Variants in AKAP6 observed in about 807,000 individuals in gnomAD.
AKAP6 encodes A-kinase anchoring protein 6, also known as A-kinase anchor protein 6.
In AKAP6, 58 loss-of-function variants were observed where a neutral mutation model predicts 188.5. The observed-to-expected ratio is 0.31, with a 90% CI of 0.25 to 0.38. The LOEUF is 0.38. AKAP6 is among the 10% of genes least tolerant of loss of function. AKAP6 has a pLI of 1.00. For synonymous variants in AKAP6, 989 were observed against 998.6 expected (o/e 0.99, Z 0.18); for missense variants, 2,710 against 2,740.0 (o/e 0.99, Z 0.24).
intron 9 of AKAP6, among the ~76,000 whole-genome samples, chr14:32,699,637 C>T (rs557336021): frequency 3.7e-4 from 56 of 152,286 alleles, no homozygotes; most frequent in Non-Finnish European, 6.3e-4. Flanking sequence ...CTTCCCTTCC[C>T]CCTTATCTGT....
chr14:32,643,088 A>G (rs1887828767), intron 7 of AKAP6, among the ~76,000 whole-genome samples: 1 of 152,184 alleles, frequency 6.6e-6, no homozygotes, highest in Non-Finnish European at 1.5e-5. Flanking sequence ...AACAAATGTA[A>G]TAAGTAAGAT....
At chr14:32,810,065 C>T (rs2034185557) in intron 12 of AKAP6, among the ~76,000 whole-genome samples, 1 of 152,176 alleles carries the variant, frequency 6.6e-6, no homozygotes, top group South Asian at 2.1e-4. Context: ...ATAAATTCAG[C>T]AGGCATGGCC....
intron 7 of AKAP6, among the ~76,000 whole-genome samples, chr14:32,665,578 A>G (rs986590450): frequency 1.3e-5 from 2 of 152,138 alleles, no homozygotes; most frequent in African/African-American, 4.8e-5. Context: ...TTGGGGTTTT[A>G]TGGAATCTTC....
intron 2 of AKAP6, among the ~76,000 whole-genome samples, chr14:32,521,158 A>G (rs1881808981): frequency 1.3e-5 from 2 of 152,156 alleles, no homozygotes; most frequent in South Asian, 4.1e-4. Context: ...AAAAACTCTC[A>G]ATAAATTAGG....
chr14:32,394,992 C>T (rs1888832300), intron 1 of AKAP6, among the ~76,000 whole-genome samples: 1 of 152,132 alleles, frequency 6.6e-6, no homozygotes, highest in Non-Finnish European at 1.5e-5. Flanking sequence ...GTTTCCTTCT[C>T]AGGGGCCTTG....
intron 11 of AKAP6, among the ~76,000 whole-genome samples, chr14:32,740,157 G>A (rs1431047923): frequency 1.3e-5 from 2 of 151,940 alleles, no homozygotes; most frequent in East Asian, 1.9e-4. Context: ...ATGCCTGTTT[G>A]CCATTTGTAT....
intron 7 of AKAP6, among the ~76,000 whole-genome samples, chr14:32,626,517 G>A (rs562718003): frequency 2.6e-5 from 4 of 152,108 alleles, no homozygotes; most frequent in East Asian, 3.9e-4. Context: ...GCACGAAATC[G>A]CTTCTCCAGG....
chr14:32,425,612 GGGAAGGAA>G (rs1023341144), intron 1 of AKAP6, among the ~76,000 whole-genome samples: 1 of 151,156 alleles, frequency 6.6e-6, no homozygotes, highest in African/African-American at 2.4e-5. Context: ...GAGGGAAGGA[GGGAAGGAA>G]GGAAGGAGAG....
chr14:32,676,876 C>T (rs567602490), intron 7 of AKAP6, among the ~76,000 whole-genome samples: 2 of 152,026 alleles, frequency 1.3e-5, no homozygotes, highest in South Asian at 4.1e-4. Context: ...CTTTGTTGCC[C>T]AGGCTGAAGT....
chr14:32,832,976 T>C lies in AKAP6; in HGVS notation c.*3171T>C, dbSNP rs1439520754. 6.6e-6 allele frequency: 1 copy of C among 152,666 alleles called. No homozygotes were observed. Among genetic ancestry groups the C allele is most frequent in the Admixed American group, 6.5e-5 (1 of 15,292 alleles). 9.5% of individuals were successfully genotyped at this position (152,666 alleles called of 1,614,324 possible). ...TACATGTAGAAAAGAATCTGAACAT[T>C]TAAGTGCGAAGTTTTCTCTAGAAAT... On this transcript the variant is annotated 3_prime_UTR_variant, in exon 14 of 14. Transcript: ENST00000280979.
chr14:32,385,637 C>CTT (rs1401799128), intron 1 of AKAP6, among the ~76,000 whole-genome samples: 2 of 151,434 alleles, frequency 1.3e-5, no homozygotes, highest in East Asian at 3.9e-4. Flanking sequence ...TTTGCACTCA[C>CTT]TTATGAGTGA....
chr14:32,723,001 C>T (rs750169528), intron 9 of AKAP6, among the ~76,000 whole-genome samples: 10 of 152,190 alleles, frequency 6.6e-5, no homozygotes, highest in East Asian at 3.9e-4. Context: ...GATGCTGCCG[C>T]GGGCCAGTGC....
intron 5 of AKAP6, among the ~76,000 whole-genome samples, chr14:32,592,107 C>T (rs1402743550): frequency 6.6e-6 from 1 of 152,182 alleles, no homozygotes; most frequent in Non-Finnish European, 1.5e-5. Context: ...GTATCAGTGT[C>T]TCCCAAAATG....
chr14:32,465,425 A>G (rs1232882557), intron 2 of AKAP6, among the ~76,000 whole-genome samples: 3 of 152,182 alleles, frequency 2.0e-5, no homozygotes, highest in Admixed American at 6.5e-5. Context: ...AGACCTCAGA[A>G]ATAACACCAC....
At chr14:32,402,864 G>A (rs1201777679) in intron 1 of AKAP6, among the ~76,000 whole-genome samples, 2 of 151,926 alleles carry the variant, frequency 1.3e-5, no homozygotes, top group African/African-American at 4.8e-5. Context: ...TGAGTAGCTG[G>A]GACTACAGGC....
intron 12 of AKAP6, among the ~76,000 whole-genome samples, chr14:32,813,684 A>T (rs943105885): frequency 1.3e-4 from 20 of 152,176 alleles, no homozygotes; most frequent in African/African-American, 3.9e-4. Flanking sequence ...AATAGCACTT[A>T]TGTGGGCAGC....
intron 3 of AKAP6, among the ~76,000 whole-genome samples, chr14:32,540,911 A>G (rs1367850377): frequency 2.0e-5 from 3 of 151,718 alleles, no homozygotes; most frequent in Non-Finnish European, 4.4e-5. Context: ...TACAGTTTGA[A>G]TAAAAAATAG....
chr14:32,387,554 G>C (rs542465208), intron 1 of AKAP6, among the ~76,000 whole-genome samples: 3 of 148,726 alleles, frequency 2.0e-5, no homozygotes, highest in South Asian at 2.1e-4. Context: ...AATCATAAAG[G>C]GATGCTGGAT....
chr14:32,487,814 C>T (rs1879786831), intron 2 of AKAP6, among the ~76,000 whole-genome samples: 1 of 152,222 alleles, frequency 6.6e-6, no homozygotes, highest in South Asian at 2.1e-4. Flanking sequence ...TTCTGCAGGT[C>T]TGCTGGAGTT....
Sources: gnomAD v4.1 joint callset for allele counts (sites outside exome capture counted in the v4.1 genomes callset) on GRCh38, gnomAD v4.1.1 for gene constraint, MANE v1.5 for transcripts, NCBI Gene and HGNC (gene_info 2026-07-23, HGNC 2026-07-21) for gene names.